STPG2: variants seen among roughly 807,000 people sequenced by gnomAD.
The protein encoded by STPG2 is sperm tail PG-rich repeat containing 2, also known as sperm-tail PG-rich repeat-containing protein 2.
Under a neutral mutation model 54.2 loss-of-function variants are expected in STPG2, and 56 were observed. The ratio of observed to expected loss-of-function variants is 1.03; its 90% CI spans 0.83 to 1.29. STPG2 has a LOEUF of 1.29. STPG2 is among the 50% of genes most tolerant of loss of function. The pLI, the probability that STPG2 is intolerant of heterozygous loss-of-function variation, is 0.00. For missense variants in STPG2, 596 were observed against 544.9 expected (o/e 1.09, Z -0.93); for synonymous variants, 200 against 181.8 (o/e 1.10, Z -0.81).
chr4:97,864,666 G>A (rs942683523), intron 8 of STPG2, among the ~76,000 whole-genome samples: 1 of 152,116 alleles, frequency 6.6e-6, no homozygotes, highest in Non-Finnish European at 1.5e-5. Context: ...AAAGCTGGAG[G>A]CATCACACTA....
intron 4 of STPG2, among the ~76,000 whole-genome samples, chr4:97,498,849 A>C (rs1185871307): frequency 3.3e-5 from 5 of 152,028 alleles, no homozygotes; most frequent in Non-Finnish European, 7.4e-5. Context: ...AAATAACAAC[A>C]AAACTCACAA....
At chr4:97,858,852 A>G (rs1488828989) in intron 8 of STPG2, among the ~76,000 whole-genome samples, 3 of 152,194 alleles carry the variant, frequency 2.0e-5, no homozygotes, top group African/African-American at 7.2e-5. Flanking sequence ...TTGCGCTGCT[A>G]TAACATGTGT....
rs1358838087 is a variant in STPG2 at position 97,927,914 on chromosome 4, G to A, written c.1044+15983C>T. ...TAAAATCAATGTCACCAATGTCTGT[G>A]ATACACAGTGTTTTGTGGTTTTTAA... On this transcript the variant is annotated intron_variant, in intron 8 of 10. Coordinates refer to ENST00000295268, the MANE Select transcript of STPG2 (RefSeq NM_174952.3). Among the ~76,000 whole-genome samples the A allele has an allele frequency of 2.0e-4, 30 of 152,096 alleles. 1 individual carries two copies. The highest frequency in any genetic ancestry group is 1.5e-5 in the Non-Finnish European group (1 of 67,970).
intron 10 of STPG2, among the ~76,000 whole-genome samples, chr4:97,684,704 A>G (rs926702988): frequency 1.1e-4 from 16 of 151,874 alleles, no homozygotes; most frequent in African/African-American, 3.9e-4. Context: ...AATATTAGAT[A>G]CAACACTAAA....
At chr4:97,711,271 A>G (rs978166608) in intron 10 of STPG2, among the ~76,000 whole-genome samples, 2 of 152,118 alleles carry the variant, frequency 1.3e-5, no homozygotes, top group African/African-American at 4.8e-5. Flanking sequence ...ACTTATCAAG[A>G]CCAATACCTT....
chr4:97,943,317 T>A (rs971616818), intron 8 of STPG2, among the ~76,000 whole-genome samples: 2 of 152,094 alleles, frequency 1.3e-5, no homozygotes, highest in Admixed American at 1.3e-4. Context: ...TATCACTGGG[T>A]CCAACTTTTT....
chr4:97,908,534 T>C (rs1731542087), intron 8 of STPG2, among the ~76,000 whole-genome samples: 2 of 152,160 alleles, frequency 1.3e-5, no homozygotes, highest in South Asian at 4.2e-4. Context: ...CAAAGGATTA[T>C]AAATCATGCT....
chr4:97,632,000 C>T (rs1721298236), intron 10 of STPG2, among the ~76,000 whole-genome samples: 1 of 151,840 alleles, frequency 6.6e-6, no homozygotes, highest in Non-Finnish European at 1.5e-5. Context: ...AACACATTCC[C>T]AAATCAGAAT....
chr4:97,859,064 T>A (rs546638732), intron 8 of STPG2, among the ~76,000 whole-genome samples: 1 of 152,330 alleles, frequency 6.6e-6, no homozygotes, highest in African/African-American at 2.4e-5. Flanking sequence ...CATCTACTTT[T>A]AAATTTTTAA....
At chr4:97,700,291 C>G (rs969713830) in intron 10 of STPG2, among the ~76,000 whole-genome samples, 1 of 152,142 alleles carries the variant, frequency 6.6e-6, no homozygotes, top group Non-Finnish European at 1.5e-5. Flanking sequence ...TGTTACAGAA[C>G]CTTCTCCTGT....
chr4:97,943,266 T>C (rs958068721), intron 8 of STPG2, among the ~76,000 whole-genome samples: 8 of 152,170 alleles, frequency 5.3e-5, no homozygotes, highest in Non-Finnish European at 1.2e-4. Context: ...TTTCAACATA[T>C]GAATTTTAAG....
intron 4 of STPG2, among the ~76,000 whole-genome samples, chr4:97,524,004 G>T (rs568126258): frequency 2.1e-4 from 32 of 152,026 alleles, no homozygotes; most frequent in African/African-American, 7.5e-4. Flanking sequence ...AAGGGACATG[G>T]AAGATTTCTG....
At chr4:97,736,362 A>T (rs1270684838) in intron 9 of STPG2, among the ~76,000 whole-genome samples, 5 of 152,174 alleles carry the variant, frequency 3.3e-5, no homozygotes, top group Admixed American at 6.5e-5. Flanking sequence ...TGGGCGCAGG[A>T]CAGTGGGTGC....
chr4:97,737,636 T>G (rs2149032635), intron 9 of STPG2, among the ~76,000 whole-genome samples: 1 of 151,866 alleles, frequency 6.6e-6, no homozygotes, highest in South Asian at 2.1e-4. Flanking sequence ...ATGAATGAAA[T>G]GAAGCGAGAA....
intron 10 of STPG2, among the ~76,000 whole-genome samples, chr4:97,605,009 T>C (rs545650739): frequency 4.0e-5 from 6 of 151,872 alleles, no homozygotes; most frequent in South Asian, 2.1e-4. Flanking sequence ...GCTTCTCCCA[T>C]TGGCCTAAGA....
At chr4:98,092,237 T>C (rs563002618) in intron 5 of STPG2, among the ~76,000 whole-genome samples, 1 of 152,116 alleles carries the variant, frequency 6.6e-6, no homozygotes, top group Non-Finnish European at 1.5e-5. Flanking sequence ...CTTTTTTCAC[T>C]TCTTTAAAAT....
At chr4:97,793,784 T>C (rs1265811021) in intron 9 of STPG2, among the ~76,000 whole-genome samples, 1 of 152,060 alleles carries the variant, frequency 6.6e-6, no homozygotes, top group Non-Finnish European at 1.5e-5. Flanking sequence ...TATGTGTGCA[T>C]GTAGCAACAC....
chr4:97,493,781 G>T (rs1022544074), intron 4 of STPG2, among the ~76,000 whole-genome samples: 1 of 151,492 alleles, frequency 6.6e-6, no homozygotes, highest in Non-Finnish European at 1.5e-5. Flanking sequence ...ATATTAAAAA[G>T]CCAGTATTTG....
Position 98,134,009 on chromosome 4 carries a change from T to C in STPG2, c.222+338A>G, listed in dbSNP as rs959914129. On this transcript the variant is annotated intron_variant, in intron 2 of 10. Transcript: ENST00000295268. Reference sequence around the variant, plus strand: ...AAGCATGGCACAAAAACCAATTCTTTCACTCTAATGCCATTCCTCTTCTAC... The same window carrying C: ...AAGCATGGCACAAAAACCAATTCTTCCACTCTAATGCCATTCCTCTTCTAC... Among the ~76,000 whole-genome samples the C allele has an allele frequency of 4.3e-4, 66 of 151,914 alleles. 1 individual carries two copies. The highest frequency in any genetic ancestry group is 3.5e-3 in the Admixed American group (54 of 15,240).
Sources: allele counts gnomAD v4.1 joint callset (sites outside exome capture counted in the v4.1 genomes callset), GRCh38; gene constraint gnomAD v4.1.1; transcripts MANE v1.5; gene names NCBI Gene and HGNC (gene_info 2026-07-23, HGNC 2026-07-21).